Variants in TTLL5 observed in about 807,000 individuals in gnomAD.
TTLL5 encodes tubulin tyrosine ligase like 5.
Under a neutral mutation model 168.4 loss-of-function variants are expected in TTLL5, and 132 were observed. The ratio of observed to expected loss-of-function variants is 0.78; its 90% confidence interval spans 0.68 to 0.91. TTLL5 has a LOEUF of 0.91. Among genes scored for constraint, TTLL5 ranks in the 40% least tolerant of loss-of-function variants. The probability of loss-of-function intolerance (pLI) is 0.00; values close to 1 mark genes in which losing one functional copy is unlikely to be tolerated. For synonymous variants in TTLL5, 546 were observed against 558.6 expected, an observed-to-expected ratio of 0.98 and a Z score of 0.32; for missense variants, 1,545 against 1,581.5, an observed-to-expected ratio of 0.98 and a Z score of 0.39.
At chr14:75,914,738 C>G (rs1447238596) in intron 31 of TTLL5, among the ~76,000 whole-genome samples, 3 of 151,694 alleles carry the variant, frequency 2.0e-5, no homozygotes, top group Non-Finnish European at 4.4e-5. Context: ...ATTCTCCTGC[C>G]TCAGCCTCCT....
chr14:75,704,514 G>A (rs1886511188), intron 7 of TTLL5, among the ~76,000 whole-genome samples: 1 of 152,200 alleles, frequency 6.6e-6, no homozygotes, highest in Non-Finnish European at 1.5e-5. Flanking sequence ...ACTCCAGCCT[G>A]GGCGAAGAAA....
intron 21 of TTLL5, among the ~76,000 whole-genome samples, chr14:75,774,038 G>T (rs1237531921): frequency 7.1e-6 from 1 of 140,910 alleles, no homozygotes; most frequent in East Asian, 2.3e-4. Context: ...GATGATTGTA[G>T]CAGTGGTCTT....
intron 31 of TTLL5, among the ~76,000 whole-genome samples, chr14:75,945,826 G>T (rs78374941): frequency 0.013 from 2,049 of 152,156 alleles, 56 homozygotes; most frequent in African/African-American, 0.047. Context: ...AGAGCACTAA[G>T]GTCAAAAGAT....
chr14:75,743,521 A>G (rs898596819), intron 15 of TTLL5, among the ~76,000 whole-genome samples: 2 of 149,968 alleles, frequency 1.3e-5, no homozygotes, highest in Non-Finnish European at 2.9e-5. Context: ...CTTTGTACAC[A>G]TACTAGCTGG....
At chr14:75,910,490 T>C (rs1180424560) in intron 31 of TTLL5, among the ~76,000 whole-genome samples, 1 of 152,216 alleles carries the variant, frequency 6.6e-6, no homozygotes, top group Non-Finnish European at 1.5e-5. Context: ...TATCGATCTG[T>C]TCACTGTGGT....
intron 30 of TTLL5, among the ~76,000 whole-genome samples, chr14:75,885,469 G>A (rs1230936395): frequency 2.6e-5 from 4 of 152,220 alleles, no homozygotes; most frequent in Non-Finnish European, 4.4e-5. Context: ...TCCAGCCTGG[G>A]TGACAGAGCG....
intron 28 of TTLL5, among the ~76,000 whole-genome samples, chr14:75,831,072 T>C (rs938085186): frequency 2.0e-5 from 3 of 152,112 alleles, no homozygotes; most frequent in African/African-American, 7.2e-5. Context: ...AGTCAAAAGC[T>C]CAAAACGAGC....
intron 12 of TTLL5, among the ~76,000 whole-genome samples, chr14:75,731,562 C>T (rs1173581515): frequency 6.6e-6 from 1 of 152,140 alleles, no homozygotes; most frequent in African/African-American, 2.4e-5. Context: ...GTCTTGCTTT[C>T]TCTTTGCAAC....
intron 12 of TTLL5, among the ~76,000 whole-genome samples, chr14:75,723,694 G>A (rs965739996): frequency 5.3e-5 from 8 of 152,188 alleles, no homozygotes; most frequent in African/African-American, 1.7e-4. Flanking sequence ...AGAATGTTCC[G>A]ACGTGGAAGA....
chr14:75,898,343 T>C (rs1316893701), intron 30 of TTLL5, among the ~76,000 whole-genome samples: 2 of 152,220 alleles, frequency 1.3e-5, no homozygotes, highest in Non-Finnish European at 2.9e-5. Flanking sequence ...TTCTCACGCT[T>C]AAAGATACAT....
At chr14:75,820,698 G>A (rs1894774860) in intron 28 of TTLL5, 1 of 152,328 alleles carries the variant, frequency 6.6e-6, no homozygotes. Flanking sequence ...TGTGGCTAAA[G>A]ATAAAATCCA....
chr14:75,905,094 C>A (rs2033090967), intron 31 of TTLL5, among the ~76,000 whole-genome samples: 1 of 152,182 alleles, frequency 6.6e-6, no homozygotes, highest in Non-Finnish European at 1.5e-5. Context: ...CTAGTAGCAA[C>A]ATTTTTCTGT....
intron 23 of TTLL5, among the ~76,000 whole-genome samples, chr14:75,777,953 C>T (rs891634405): frequency 2.7e-5 from 4 of 149,868 alleles, no homozygotes; most frequent in East Asian, 1.9e-4. Context: ...CTCTCATCAA[C>T]GTTATAAAAA....
chr14:75,890,684 T>C (rs2032355794), intron 30 of TTLL5, among the ~76,000 whole-genome samples: 1 of 152,182 alleles, frequency 6.6e-6, no homozygotes, highest in Non-Finnish European at 1.5e-5. Context: ...GTCTCCAAAA[T>C]AGTTCTTCAA....
At chr14:75,929,358 T>C (rs1345135319) in intron 31 of TTLL5, among the ~76,000 whole-genome samples, 1 of 152,022 alleles carries the variant, frequency 6.6e-6, no homozygotes, top group Non-Finnish European at 1.5e-5. Context: ...TCAAATAAGT[T>C]TGACAAATGC....
intron 31 of TTLL5, among the ~76,000 whole-genome samples, chr14:75,916,188 G>A (rs1416211622): frequency 6.7e-6 from 1 of 150,108 alleles, no homozygotes; most frequent in Non-Finnish European, 1.5e-5. Context: ...AAGGAAAGAA[G>A]GGAAGGAAGG....
intron 28 of TTLL5, chr14:75,820,454 G>A (rs1894760559): frequency 8.2e-6 from 2 of 243,980 alleles, no homozygotes; most frequent in Non-Finnish European, 1.5e-5. Flanking sequence ...TCATTTTTAT[G>A]TGCCAACTTT....
intron 5 of TTLL5, among the ~76,000 whole-genome samples, chr14:75,685,787 A>G (rs1057345065): frequency 1.3e-5 from 2 of 152,204 alleles, no homozygotes; most frequent in Non-Finnish European, 2.9e-5. Flanking sequence ...AAAGCTATAT[A>G]TTTAAAAAGC....
intron 28 of TTLL5, chr14:75,835,474 G>C (rs1895817695): frequency 6.6e-6 from 1 of 152,176 alleles, no homozygotes; most frequent in Non-Finnish European, 1.5e-5. Flanking sequence ...ATCTCTATTT[G>C]TCACCAGGTT....
Sources: allele counts gnomAD v4.1 joint callset (sites outside exome capture counted in the v4.1 genomes callset), GRCh38; gene constraint gnomAD v4.1.1; transcripts MANE v1.5; gene names NCBI Gene and HGNC (gene_info 2026-07-23, HGNC 2026-07-21).